The following MED13L variants were observed in gnomAD, a reference collection of about 807,000 sequenced individuals.
The protein encoded by MED13L is mediator of RNA polymerase II transcription subunit 13-like.
MED13L carries 7 observed loss-of-function variants against 220.9 expected under a neutral mutation model. The observed-to-expected ratio is 0.03, with a 90% CI of 0.02 to 0.06. The LOEUF is 0.06. MED13L is among the 10% of genes least tolerant of loss of function. The pLI is 1.00. For missense variants in MED13L, 1,965 were observed against 2,760.5 expected (o/e 0.71, Z 6.46); for synonymous variants, 1,011 against 1,015.2 (o/e 1.00, Z 0.08).
At chr12:116,186,937 A>G (rs774932384) in intron 2 of MED13L, among the ~76,000 whole-genome samples, 5 of 152,026 alleles carry the variant, frequency 3.3e-5, no homozygotes, top group Non-Finnish European at 7.4e-5. Context: ...AACTAATCAA[A>G]CCCATCTTTT....
intron 2 of MED13L, among the ~76,000 whole-genome samples, chr12:116,134,310 A>C (rs1435445841): frequency 6.6e-6 from 1 of 152,176 alleles, no homozygotes; most frequent in African/African-American, 2.4e-5. Context: ...TTTCAAAGGC[A>C]CCCGATTTCA....
At chr12:116,175,053 T>C (rs1311124372) in intron 2 of MED13L, among the ~76,000 whole-genome samples, 22 of 151,976 alleles carry the variant, frequency 1.4e-4, no homozygotes, top group Non-Finnish European at 8.8e-5. Context: ...CAGAATGAGA[T>C]CTTGTCTCCA....
At chr12:115,970,897 G>T in intron 26 of MED13L, 127 bp from the exon 27 acceptor site, 1 of 901,022 alleles carries the variant, frequency 1.1e-6, no homozygotes, top group Non-Finnish European at 1.7e-6. Context: ...TCAAAATTGA[G>T]TCCAATTGTT....
chr12:116,257,739 TGAAA>T (rs977681323), intron 1 of MED13L, among the ~76,000 whole-genome samples: 47 of 152,354 alleles, frequency 3.1e-4, no homozygotes, highest in African/African-American at 9.9e-4. Flanking sequence ...TAAAAAAAAC[TGAAA>T]GACTTTTATC....
chr12:115,988,671 A>G (rs1182948394), intron 17 of MED13L, among the ~76,000 whole-genome samples: 1 of 152,230 alleles, frequency 6.6e-6, no homozygotes, highest in African/African-American at 2.4e-5. Context: ...AAGACAGCTT[A>G]AGGCACTGCC....
At chr12:116,276,117 T>C (rs1873792572) in intron 1 of MED13L, among the ~76,000 whole-genome samples, 2 of 152,232 alleles carry the variant, frequency 1.3e-5, no homozygotes, top group Admixed American at 1.3e-4. Context: ...TATACATTTT[T>C]AATTTCGATG....
At chr12:116,074,041 C>A (rs185832550) in intron 4 of MED13L, among the ~76,000 whole-genome samples, 1 of 152,274 alleles carries the variant, frequency 6.6e-6, no homozygotes, top group Admixed American at 6.5e-5. Flanking sequence ...ATATGTATTT[C>A]TCTATTGCAG....
At chr12:116,209,305 A>T (rs920278046) in intron 2 of MED13L, among the ~76,000 whole-genome samples, 1 of 152,190 alleles carries the variant, frequency 6.6e-6, no homozygotes, top group African/African-American at 2.4e-5. Context: ...CAAACCAAGG[A>T]GGTGTACCTC....
Position 115,991,143 on chromosome 12 carries a change from A to C in MED13L, c.3811T>G (p.Tyr1271Asp). 3 of 1,614,132 alleles carry C rather than the reference A, an allele frequency of 1.9e-6. No individual in the cohort carries two copies. The highest frequency in any genetic ancestry group is 2.5e-6 in the Non-Finnish European group (3 of 1,180,016). ...YDRVQADNND[Y>D]WTECFNALEQ... ...AACGCATTAAAGCATTCCGTCCAGT[A>C]ATCATTATTATCTGCTTGCACCCGG... Residue 1271 changes from tyrosine (Y) to aspartate (D), a missense_variant, in exon 17 of 31, where the codon TAC becomes GAC. Around this residue, in one of 10 missense-constraint regions of MED13L, gnomAD observed 165 missense variants for 190.8 expected, o/e 0.86. Transcript: ENST00000281928. The surrounding 1 kb of genome is among the most constrained non-coding windows in gnomAD (Gnocchi z 7.7).
At chr12:115,964,072 G>T (rs1252255268) in intron 29 of MED13L, among the ~76,000 whole-genome samples, 1 of 151,974 alleles carries the variant, frequency 6.6e-6, no homozygotes, top group Non-Finnish European at 1.5e-5. Context: ...GGGCAACAGA[G>T]CAAGACTCTG....
chr12:116,088,668 C>T (rs1251262641), intron 4 of MED13L, among the ~76,000 whole-genome samples: 1 of 144,618 alleles, frequency 6.9e-6, no homozygotes, highest in Non-Finnish European at 1.5e-5. Context: ...ACAAAAGAGA[C>T]AATAGTTTGG....
At chr12:116,073,194 A>T (rs1593011863) in intron 4 of MED13L, among the ~76,000 whole-genome samples, 2 of 152,078 alleles carry the variant, frequency 1.3e-5, no homozygotes. Context: ...ATTTTTTTTT[A>T]ATTTTTAAAC....
intron 2 of MED13L, among the ~76,000 whole-genome samples, chr12:116,142,696 T>C (rs1173780758): frequency 6.6e-6 from 1 of 150,784 alleles, no homozygotes; most frequent in Non-Finnish European, 1.5e-5. Context: ...CTCCAAAAAA[T>C]AAAAGTAAAA....
chr12:116,208,630 A>G (rs995591831), intron 2 of MED13L, among the ~76,000 whole-genome samples: 1 of 152,226 alleles, frequency 6.6e-6, no homozygotes, highest in African/African-American at 2.4e-5. Context: ...TTCTACTCAC[A>G]GCAGAAAGAG....
At chr12:116,070,601 C>A (rs1870292799) in intron 4 of MED13L, among the ~76,000 whole-genome samples, 1 of 152,108 alleles carries the variant, frequency 6.6e-6, no homozygotes, top group Non-Finnish European at 1.5e-5. Context: ...CTAAAACACT[C>A]GCCTAGCACC....
intron 2 of MED13L, among the ~76,000 whole-genome samples, chr12:116,157,257 AC>A (rs1394857331): frequency 6.6e-6 from 1 of 152,168 alleles, no homozygotes; most frequent in Non-Finnish European, 1.5e-5. Context: ...TACTTAATAT[AC>A]TTATACCCCA....
chr12:116,086,630 T>C (rs1217325437), intron 4 of MED13L, among the ~76,000 whole-genome samples: 2 of 152,094 alleles, frequency 1.3e-5, no homozygotes, highest in African/African-American at 2.4e-5. Flanking sequence ...TTCAATCTTA[T>C]ACAACTGTTA....
intron 4 of MED13L, among the ~76,000 whole-genome samples, chr12:116,062,660 G>GT (rs1869606144): frequency 6.6e-6 from 1 of 151,932 alleles, no homozygotes; most frequent in Non-Finnish European, 1.5e-5. Context: ...GCTAATTTTT[G>GT]TATTTTTAGT....
intron 1 of MED13L, among the ~76,000 whole-genome samples, chr12:116,266,850 G>C (rs1872871671): frequency 6.6e-6 from 1 of 152,110 alleles, no homozygotes; most frequent in African/African-American, 2.4e-5. Context: ...CAGATTCGTG[G>C]GAGGGCTTTC....
Sources: gnomAD v4.1 joint callset for allele counts (sites outside exome capture counted in the v4.1 genomes callset) on GRCh38, gnomAD v4.1.1 for gene constraint, gnomAD v4.1.1 regional missense constraint, Gnocchi (gnomAD v3.1) non-coding constraint, MANE v1.5 for transcripts, NCBI Gene and HGNC (gene_info 2026-07-23, HGNC 2026-07-21) for gene names.